The following MYO7B variants were observed in gnomAD, a reference collection of about 807,000 sequenced individuals.
MYO7B encodes the protein unconventional myosin-VIIb.
Under a neutral mutation model 259.7 loss-of-function variants are expected in MYO7B, and 212 were observed. The ratio of observed to expected loss-of-function variants is 0.82; its 90% CI spans 0.73 to 0.91. The LOEUF is 0.91. Ranked by LOEUF, MYO7B falls within the 40% of genes least tolerant of loss-of-function variation. The pLI is 0.00. For missense variants in MYO7B, 2,732 were observed against 2,813.5 expected (o/e 0.97, Z 0.66); for synonymous variants, 1,197 against 1,166.4 (o/e 1.03, Z -0.54).
At chr2:127,631,564 G>A (rs1681510886) in intron 37 of MYO7B, 36 bp from the exon 38 acceptor site, 1 of 1,605,760 alleles carries the variant, frequency 6.2e-7, no homozygotes, top group Admixed American at 1.7e-5. Context: ...TGTCAGCGTG[G>A]GGCTGCCCCA....
In MYO7B at chr2:127,539,699, T is replaced by C. The variant is rs2104784722; in HGVS notation, c.-24+3868T>C. Among the ~76,000 whole-genome samples the C allele has an allele frequency of 1.3e-5, 2 of 151,530 alleles. No individual in the cohort carries two copies. Among genetic ancestry groups the C allele is most frequent in the South Asian group, 2.1e-4 (1 of 4,812 alleles). On this transcript the variant is annotated intron_variant, in intron 1 of 47. Coordinates refer to ENST00000409816, the MANE Select transcript of MYO7B (RefSeq NM_001393586.1). The surrounding 1 kb of genome is among the most constrained non-coding windows in gnomAD (Gnocchi z 4.0). Reference sequence around the variant, plus strand: ...ATTTCTTTTAAAAAAAAAAACTCCATAGTTTTTAAGGTACAGGTGTTTTTT... The same window carrying C: ...ATTTCTTTTAAAAAAAAAAACTCCACAGTTTTTAAGGTACAGGTGTTTTTT...
chr2:127,591,627 G>T (rs906147370), intron 16 of MYO7B, among the ~76,000 whole-genome samples: 1 of 152,190 alleles, frequency 6.6e-6, no homozygotes, highest in African/African-American at 2.4e-5. Context: ...GCTCAGTGTG[G>T]CCTGGACCCC....
At chr2:127,617,627 C>T (rs1223287024) in intron 26 of MYO7B, among the ~76,000 whole-genome samples, 9 of 149,756 alleles carry the variant, frequency 6.0e-5, no homozygotes, top group African/African-American at 2.2e-4. Context: ...CTCAGCCTCC[C>T]GAGTAGCTGG....
chr2:127,636,810 A>C lies in MYO7B; in HGVS notation c.6224A>C (p.Tyr2075Ser), dbSNP rs367810844. ...TGCCCCCAGGACCTGCTCACCACCTATCCCTTCACCAAGATCTCCAGCTGG... is the reference window on the plus strand; with the variant it reads ...TGCCCCCAGGACCTGCTCACCACCTCTCCCTTCACCAAGATCTCCAGCTGG... ...HPKTKDLLTT[Y>S]PFTKISSWSS... Residue 2075 changes from tyrosine (Y) to serine (S), a missense_variant, in exon 47 of 48, where the codon TAT (tyrosine) becomes TCT (serine). Around this residue, in one of 3 missense-constraint regions of MYO7B, gnomAD observed 821 missense variants for 769.3 expected, o/e 1.07. Transcript: ENST00000409816. This position sits in a 1 kb window ranked among gnomAD's most constrained non-coding sequence, Gnocchi z 4.5. 5 of 1,612,970 alleles carry C rather than the reference A, an allele frequency of 3.1e-6. No homozygotes were observed. Among genetic ancestry groups the C allele is most frequent in the Admixed American group, 1.7e-5 (1 of 59,964 alleles).
intron 35 of MYO7B, 77 bp downstream of exon 35, chr2:127,629,903 A>C: frequency 7.0e-7 from 1 of 1,418,632 alleles, no homozygotes; most frequent in South Asian, 1.6e-5. Flanking sequence ...CCTAGTTGGG[A>C]GGCCTAGCTC....
chr2:127,563,577 C>T (rs760498846), intron 2 of MYO7B, among the ~76,000 whole-genome samples: 37 of 152,208 alleles, frequency 2.4e-4, no homozygotes, highest in Non-Finnish European at 4.4e-4. Flanking sequence ...CCGCCTGCCA[C>T]CTTGTGCCCT....
chr2:127,541,616 C>T (rs1693006886), intron 1 of MYO7B, among the ~76,000 whole-genome samples: 1 of 152,152 alleles, frequency 6.6e-6, no homozygotes, highest in East Asian at 1.9e-4. Flanking sequence ...AGCCATATGG[C>T]ACCTGAACCT....
chr2:127,603,281 A>G (rs1034092886), intron 19 of MYO7B, among the ~76,000 whole-genome samples: 2 of 152,190 alleles, frequency 1.3e-5, no homozygotes, highest in African/African-American at 4.8e-5. Flanking sequence ...AAGGTTTTCA[A>G]TGGACTTTGC....
chr2:127,551,643 C>G (rs1276212916), intron 1 of MYO7B, among the ~76,000 whole-genome samples: 1 of 152,210 alleles, frequency 6.6e-6, no homozygotes, highest in African/African-American at 2.4e-5. Context: ...ATTGATAAAG[C>G]AAGGCCCTAA....
At chr2:127,598,998 A>T (rs1335074861) in intron 19 of MYO7B, among the ~76,000 whole-genome samples, 6 of 152,190 alleles carry the variant, frequency 3.9e-5, no homozygotes, top group African/African-American at 1.4e-4. Flanking sequence ...AGCTGTGTAG[A>T]CTAATTCTTC....
At chr2:127,574,145 C>T in intron 7 of MYO7B, 83 bp downstream of exon 7, 6 of 1,544,926 alleles carry the variant, frequency 3.9e-6, no homozygotes, top group Non-Finnish European at 4.4e-6. Context: ...TCTCACCTCT[C>T]CTCCCCTCTT....
At chr2:127,541,951 C>A (rs1864552) in intron 1 of MYO7B, among the ~76,000 whole-genome samples, 132,548 of 152,246 alleles carry the variant, frequency 0.87, 57,923 homozygotes, top group East Asian at 1. Context: ...GTCATGTTGT[C>A]GGATTTTTGG....
chr2:127,615,931 G>C lies in MYO7B; in HGVS notation c.3398+3328G>C, dbSNP rs920279373. On this transcript the variant is annotated intron_variant, in intron 26 of 47. Transcript: ENST00000409816. This position sits in a 1 kb window ranked among gnomAD's most constrained non-coding sequence, Gnocchi z 4.4. The stretch of plus-strand genomic sequence containing the variant: ...GGTCCCTCCAGTCTCCCGTTGCATG[G>C]TCGCACACAACTTGAGGGCACCTAC... 6.6e-6 allele frequency among the ~76,000 whole-genome samples: 1 copy of C among 152,166 alleles called. No homozygotes were observed. Among genetic ancestry groups the C allele is most frequent in the Non-Finnish European group, 1.5e-5 (1 of 68,048 alleles).
At chr2:127,603,329 T>C (rs751897095) in intron 19 of MYO7B, among the ~76,000 whole-genome samples, 4 of 152,234 alleles carry the variant, frequency 2.6e-5, no homozygotes, top group Admixed American at 6.5e-5. Flanking sequence ...ATGGCAGCTA[T>C]AGCATTATGG....
At position 127,578,133 on chromosome 2, in the gene MYO7B, G is replaced by A; in HGVS notation, c.850G>A (p.Gly284Arg). The change falls in exon 9 of 48, where the codon GGG becomes AGG. Residue 284 changes from glycine (G) to arginine (R), a missense_variant and splice_region_variant. Physicochemically the swap from Gly to Arg is moderately radical, Grantham distance 125. Around this residue, in one of 3 missense-constraint regions of MYO7B, gnomAD observed 1,906 missense variants for 2,026.4 expected, o/e 0.94. Transcript: ENST00000409816. ...TTCACTGAGGCACCCTGTCCCTCAG[G>A]GGAACTGCACTTCCTGTGAGGGGCT... Reference protein sequence around the residue: ...TPSEYHYLTMGNCTSCEGLND... With the variant: ...TPSEYHYLTMRNCTSCEGLND... 1 of 1,613,626 alleles carries A rather than the reference G, an allele frequency of 6.2e-7. No individual in the cohort carries two copies. The highest frequency in any genetic ancestry group is 8.5e-7 in the Non-Finnish European group (1 of 1,179,800).
chr2:127,634,993 T>C, intron 42 of MYO7B, 127 bp from the exon 43 acceptor site: 1 of 740,926 alleles, frequency 1.3e-6, no homozygotes, highest in Non-Finnish European at 2.3e-6. Flanking sequence ...ATGTGGGGAC[T>C]GGGGAGGAAG....
intron 4 of MYO7B, 105 bp from the exon 5 acceptor site, chr2:127,566,538 C>G: frequency 1.0e-6 from 1 of 967,022 alleles, no homozygotes; most frequent in African/African-American, 3.8e-5. Flanking sequence ...AAGTCAGTGG[C>G]CCTGATAACC....
In MYO7B at chr2:127,628,022, G is replaced by A. The variant is rs756306958; in HGVS notation, c.4461-350G>A. Reference sequence around the variant, plus strand: ...TGAGCGGATGAGTAAACTGAAGCACGCCGAGGTTAGGTGGCTCAGAGTAAG... The same window carrying A: ...TGAGCGGATGAGTAAACTGAAGCACACCGAGGTTAGGTGGCTCAGAGTAAG... On this transcript the variant is annotated intron_variant, in intron 33 of 47. Coordinates refer to ENST00000409816, the MANE Select transcript of MYO7B (RefSeq NM_001393586.1). The surrounding 1 kb of genome is among the most constrained non-coding windows in gnomAD (Gnocchi z 4.8). The A allele has an allele frequency of 1.1e-4, 54 of 499,386 alleles. 1 individual carries two copies. Among genetic ancestry groups the A allele is most frequent in the Middle Eastern group, 3.0e-4 (1 of 3,338 alleles). 30.9% of individuals were successfully genotyped at this position (499,386 alleles called of 1,614,324 possible). A position where few individuals can be genotyped will look rare whatever the true frequency, so the allele number is the denominator to read the frequency against.
rs187365730 is a variant in MYO7B, at chr2:127,584,888, C to T, written c.1665C>T (p.Ala555=). The change falls in exon 14 of 48, where the codon GCC becomes GCT. Residue 555 remains alanine (A), a synonymous_variant. Coordinates refer to ENST00000409816, the MANE Select transcript of MYO7B (RefSeq NM_001393586.1). This position sits in a 1 kb window ranked among gnomAD's most constrained non-coding sequence, Gnocchi z 5.8. ...HDARFGIAHF[A]GEVYYQAEGF... ...CCAGATTTGGCATTGCCCATTTTGC[C>T]GGCGAGGTGTACTACCAAGCAGAAG... 2.9e-5 allele frequency: 46 copies of T among 1,613,890 alleles called. No individual in the cohort carries two copies. The highest frequency in any genetic ancestry group is 2.0e-4 in the East Asian group (9 of 44,864).
Sources: allele counts gnomAD v4.1 joint callset (sites outside exome capture counted in the v4.1 genomes callset), GRCh38; gene constraint gnomAD v4.1.1; regional missense constraint gnomAD v4.1.1; non-coding constraint Gnocchi (gnomAD v3.1); transcripts MANE v1.5; gene names NCBI Gene and HGNC (gene_info 2026-07-23, HGNC 2026-07-21).